SETD3: variants seen among roughly 807,000 people sequenced by gnomAD.
SETD3 encodes the protein actin-histidine N-methyltransferase.
A neutral mutation model predicts 63.0 loss-of-function variants in SETD3; 19 were observed. The ratio of observed to expected loss-of-function variants is 0.30; its 90% CI spans 0.21 to 0.44. SETD3 has a LOEUF of 0.44. Ranked by LOEUF, SETD3 falls within the 20% of genes least tolerant of loss-of-function variation. The pLI, the probability that SETD3 is intolerant of heterozygous loss-of-function variation, is 1.00. For synonymous variants in SETD3, 286 were observed against 264.1 expected (o/e 1.08, Z -0.80); for missense variants, 587 against 728.5 (o/e 0.81, Z 2.24).
intron 6 of SETD3, among the ~76,000 whole-genome samples, chr14:99,438,811 C>CCT (rs1342444167): frequency 6.6e-6 from 1 of 152,178 alleles, no homozygotes; most frequent in Non-Finnish European, 1.5e-5. Context: ...AGGACCTAGT[C>CCT]CTCTCCCTCT....
At chr14:99,465,125 G>A (rs189587497) in intron 2 of SETD3, among the ~76,000 whole-genome samples, 22 of 152,222 alleles carry the variant, frequency 1.4e-4, no homozygotes, top group African/African-American at 3.9e-4. Flanking sequence ...GAGAGAGCGG[G>A]ACCCTGTTTA....
chr14:99,439,180 T>C (rs531174876), intron 6 of SETD3, among the ~76,000 whole-genome samples: 2 of 152,332 alleles, frequency 1.3e-5, no homozygotes, highest in East Asian at 3.9e-4. Flanking sequence ...GAGCAGCTCC[T>C]GCTGGAAATC....
chr14:99,406,100 A>G (rs999777736), intron 9 of SETD3, among the ~76,000 whole-genome samples: 3 of 152,236 alleles, frequency 2.0e-5, no homozygotes, highest in Non-Finnish European at 4.4e-5. Context: ...ATGAAAGTAT[A>G]AGACAACAGA....
chr14:99,437,653 T>C (rs1228168439), intron 6 of SETD3, among the ~76,000 whole-genome samples: 5 of 152,194 alleles, frequency 3.3e-5, no homozygotes, highest in East Asian at 1.9e-4. Context: ...CTGTGTGATA[T>C]GATGTGTGTG....
At chr14:99,459,083 T>C (rs1192208806) in intron 5 of SETD3, 30 bp downstream of exon 5, 2 of 1,542,844 alleles carry the variant, frequency 1.3e-6, no homozygotes, top group Admixed American at 1.9e-5. Flanking sequence ...CATTTGTGCT[T>C]TGCCTTGAAG....
chr14:99,476,109 A>G lies in SETD3; in HGVS notation c.-9+4619T>C, dbSNP rs28453969. 4.1e-3 allele frequency among the ~76,000 whole-genome samples: 628 copies of G among 152,334 alleles called. 3 individuals carry two copies. The highest frequency in any genetic ancestry group is 0.013 in the African/African-American group (561 of 41,562). On this transcript the variant is annotated intron_variant, in intron 1 of 12. Coordinates refer to ENST00000331768, the MANE Select transcript of SETD3 (RefSeq NM_032233.3). ...AATTGAGGTAAGCATTTTACACAATATAAGATAGGTATTAACAAGTCCCCT... is the reference window on the plus strand; with the variant it reads ...AATTGAGGTAAGCATTTTACACAATGTAAGATAGGTATTAACAAGTCCCCT...
chr14:99,407,691 T>C (rs1192986828), intron 8 of SETD3, among the ~76,000 whole-genome samples: 1 of 152,156 alleles, frequency 6.6e-6, no homozygotes, highest in East Asian at 1.9e-4. Flanking sequence ...TCTACTCCTG[T>C]TGTGGCCTGG....
intron 6 of SETD3, among the ~76,000 whole-genome samples, chr14:99,416,566 G>A (rs1181918044): frequency 1.3e-5 from 2 of 152,142 alleles, no homozygotes; most frequent in Non-Finnish European, 2.9e-5. Context: ...CCAAGACACA[G>A]ACACACATGG....
At chr14:99,437,682 C>CGTGT (rs150123655) in intron 6 of SETD3, among the ~76,000 whole-genome samples, 1 of 151,360 alleles carries the variant, frequency 6.6e-6, no homozygotes, top group African/African-American at 2.4e-5. Context: ...TACGTGTATA[C>CGTGT]GTGTGTGTGT....
At chr14:99,471,410 T>G (rs895816028) in intron 1 of SETD3, among the ~76,000 whole-genome samples, 2 of 152,236 alleles carry the variant, frequency 1.3e-5, no homozygotes, top group African/African-American at 4.8e-5. Flanking sequence ...ATGTAGATAA[T>G]TAGAGATAGA....
At chr14:99,464,973 C>T (rs2400671) in intron 2 of SETD3, among the ~76,000 whole-genome samples, 149,766 of 152,182 alleles carry the variant, frequency 0.98, 73,734 homozygotes, top group East Asian at 1. Context: ...CAAAACCTCA[C>T]CTCTACAAAA....
chr14:99,476,829 G>A (rs964053872), intron 1 of SETD3, among the ~76,000 whole-genome samples: 12 of 152,192 alleles, frequency 7.9e-5, no homozygotes, highest in Non-Finnish European at 1.3e-4. Context: ...ATCATAGACA[G>A]TAATAAACCT....
At chr14:99,481,222 C>CT, upstream of SETD3, 1 of 394,116 alleles carries the variant, frequency 2.5e-6, no homozygotes, top group East Asian at 3.6e-5. Context: ...GGGATGGGCC[C>CT]TGTGGCTGGC....
At position 99,412,999 on chromosome 14, in the gene SETD3, G is replaced by A. The variant is rs780700443; in HGVS notation, c.801C>T (p.Thr267=). The change falls in exon 8 of 13, where the codon ACC becomes ACT. Residue 267 remains threonine, a synonymous_variant. Transcript: ENST00000331768. ...QIPTEDGSRV[T]LALIPLWDMC... ...TATCCCATAAAGGAATCAGAGCCAG[G>A]GTCACGCGGGAACCATCCTCTGTGG... is the stretch of plus-strand genomic sequence containing the variant. 8.7e-6 allele frequency: 14 copies of A among 1,614,040 alleles called. No homozygotes were observed. Among genetic ancestry groups the A allele is most frequent in the Non-Finnish European group, 1.2e-5 (14 of 1,179,978 alleles).
intron 5 of SETD3, 150 bp downstream of exon 5, chr14:99,458,963 A>G (rs1894920172): frequency 3.6e-6 from 2 of 551,742 alleles, no homozygotes; most frequent in African/African-American, 3.9e-5. Flanking sequence ...CATCTTTTTT[A>G]TAACATTAAA....
At chr14:99,453,766 C>T (rs1334368629) in intron 6 of SETD3, among the ~76,000 whole-genome samples, 2 of 151,642 alleles carry the variant, frequency 1.3e-5, no homozygotes, top group Non-Finnish European at 2.9e-5. Flanking sequence ...GCTGAGGTTG[C>T]AGTGAGCCGA....
chr14:99,399,061 C>T lies in SETD3; in HGVS notation c.1403G>A (p.Arg468His), dbSNP rs377234619. Reference sequence around the variant, plus strand: ...TTCCAAAATCTCTTTCTCACCTAAGCGCAATTTGATGGCCATTTTTGCACG... The same window carrying T: ...TTCCAAAATCTCTTTCTCACCTAAGTGCAATTTGATGGCCATTTTTGCACG... The part of the protein sequence containing the change: ...SVRAKMAIKL[R>H]LGEKEILEKA... The change falls in exon 13 of 13, where the codon CGC (arginine) becomes CAC (histidine). Residue 468 changes from arginine to histidine, a missense_variant. Transcript: ENST00000331768. The T allele has an allele frequency of 6.8e-6, 11 of 1,614,030 alleles. No individual in the cohort carries two copies. The highest frequency in any genetic ancestry group is 1.6e-4 in the Middle Eastern group (1 of 6,084).
At chr14:99,430,317 A>G (rs1360769260) in intron 6 of SETD3, among the ~76,000 whole-genome samples, 1 of 152,226 alleles carries the variant, frequency 6.6e-6, no homozygotes. Context: ...AGATCTGCCC[A>G]CTTGAGGTTC....
chr14:99,416,402 T>C (rs539679849), intron 6 of SETD3, among the ~76,000 whole-genome samples: 35 of 152,334 alleles, frequency 2.3e-4, no homozygotes, highest in African/African-American at 7.5e-4. Context: ...TGAAGCAAAG[T>C]GGTGCTTATA....
Sources: gnomAD v4.1 joint callset for allele counts (sites outside exome capture counted in the v4.1 genomes callset) on GRCh38, gnomAD v4.1.1 for gene constraint, MANE v1.5 for transcripts, NCBI Gene and HGNC (gene_info 2026-07-23, HGNC 2026-07-21) for gene names.